RHBDD1: variants seen among roughly 807,000 people sequenced by gnomAD.
RHBDD1 encodes the protein rhomboid domain containing 1, also known as rhomboid-related protein 4.
In RHBDD1, 38 loss-of-function variants were observed where a neutral mutation model predicts 36.3. The ratio of observed to expected loss-of-function variants is 1.05; its 90% CI spans 0.81 to 1.37. The LOEUF (loss-of-function observed/expected upper bound fraction) is 1.37. Among genes scored for constraint, RHBDD1 ranks in the 40% most tolerant of loss-of-function variants. The pLI is 0.00. For synonymous variants in RHBDD1, 151 were observed against 136.5 expected, an observed-to-expected ratio of 1.11 and a Z score of -0.74; for missense variants, 393 against 377.6, an observed-to-expected ratio of 1.04 and a Z score of -0.34.
At chr2:226,852,416 T>G (rs1241138742) in intron 3 of RHBDD1, among the ~76,000 whole-genome samples, 1 of 152,140 alleles carries the variant, frequency 6.6e-6, no homozygotes, top group African/African-American at 2.4e-5. Flanking sequence ...TATGGCACCT[T>G]TGGCAGGTTA....
chr2:226,988,000 G>T (rs566455488), intron 8 of RHBDD1, among the ~76,000 whole-genome samples: 9 of 152,260 alleles, frequency 5.9e-5, no homozygotes, highest in African/African-American at 2.2e-4. Context: ...GGCCAGGGCT[G>T]CTAAAAAGCT....
chr2:226,995,263 T>A (rs1559370049), intron 8 of RHBDD1, among the ~76,000 whole-genome samples, 168 bp from the exon 9 acceptor site: 1 of 152,208 alleles, frequency 6.6e-6, no homozygotes, highest in Non-Finnish European at 1.5e-5. Context: ...TTACTTGACG[T>A]TGAAATTTAG....
chr2:226,813,263 G>A, the RHBDD1 span, among the ~76,000 whole-genome samples: 1 of 152,206 alleles, frequency 6.6e-6, no homozygotes, highest in African/African-American at 2.4e-5. Flanking sequence ...ATTAGGTGTA[G>A]TGGTTTTCTT....
At chr2:226,889,801 T>C (rs1161776354) in intron 5 of RHBDD1, among the ~76,000 whole-genome samples, 1 of 152,180 alleles carries the variant, frequency 6.6e-6, no homozygotes, top group Non-Finnish European at 1.5e-5. Context: ...ATGGTTTCCT[T>C]ATTGAATTCT....
chr2:226,982,140 A>G (rs574828913), intron 8 of RHBDD1, among the ~76,000 whole-genome samples: 29 of 152,346 alleles, frequency 1.9e-4, no homozygotes, highest in African/African-American at 5.8e-4. Context: ...CACATGTGGT[A>G]GGGTTGGGCT....
At chr2:226,969,317 A>G (rs1045382628) in intron 8 of RHBDD1, among the ~76,000 whole-genome samples, 1 of 151,566 alleles carries the variant, frequency 6.6e-6, no homozygotes, top group Non-Finnish European at 1.5e-5. Flanking sequence ...AGAATGAAAA[A>G]CATCCCTGTA....
chr2:226,935,565 T>G (rs765331522), intron 8 of RHBDD1: 16 of 152,156 alleles, frequency 1.1e-4, no homozygotes, highest in Non-Finnish European at 8.8e-5. Flanking sequence ...CTGAGTTTCA[T>G]TCCTAGCATA....
At chr2:226,914,448 T>C in intron 8 of RHBDD1, 97 bp downstream of exon 8, 1 of 1,369,494 alleles carries the variant, frequency 7.3e-7, no homozygotes, top group Non-Finnish European at 9.8e-7. Flanking sequence ...TTTTAAACAG[T>C]TCAGAAAAAG....
chr2:226,936,611 C>A (rs1207287456), intron 8 of RHBDD1, among the ~76,000 whole-genome samples: 2 of 152,094 alleles, frequency 1.3e-5, no homozygotes, highest in Non-Finnish European at 2.9e-5. Flanking sequence ...ATTAATTCTA[C>A]CCATATCCCC....
At chr2:226,978,228 T>C (rs1954937297) in intron 8 of RHBDD1, among the ~76,000 whole-genome samples, 1 of 152,238 alleles carries the variant, frequency 6.6e-6, no homozygotes, top group Middle Eastern at 3.2e-3. Flanking sequence ...TTCATGATCA[T>C]CTTTTTTTTA....
intron 3 of RHBDD1, among the ~76,000 whole-genome samples, chr2:226,846,608 G>A (rs868057561): frequency 6.6e-6 from 1 of 152,036 alleles, no homozygotes; most frequent in African/African-American, 2.4e-5. Flanking sequence ...ACCAGGCATG[G>A]TGGCGGGTGC....
intron 5 of RHBDD1, among the ~76,000 whole-genome samples, chr2:226,872,920 A>G (rs1326106475): frequency 1.3e-5 from 2 of 152,238 alleles, no homozygotes. Flanking sequence ...TTATAATTGC[A>G]TATACTGCAT....
the RHBDD1 span, among the ~76,000 whole-genome samples, chr2:226,828,672 A>G: frequency 6.6e-6 from 1 of 152,162 alleles, no homozygotes; most frequent in African/African-American, 2.4e-5. Flanking sequence ...TGATGCTGAG[A>G]ATATTTTCAT....
chr2:226,899,469 A>T (rs1320886751), intron 5 of RHBDD1, among the ~76,000 whole-genome samples: 1 of 152,186 alleles, frequency 6.6e-6, no homozygotes, highest in Non-Finnish European at 1.5e-5. Context: ...CTAGAGGTCC[A>T]CTGGACAAAA....
chr2:226,827,299 C>T, the RHBDD1 span, among the ~76,000 whole-genome samples: 19 of 152,150 alleles, frequency 1.2e-4, no homozygotes, highest in Non-Finnish European at 2.5e-4. Context: ...TTAATATTCT[C>T]CATATTTTAC....
At chr2:226,903,985 A>G (rs956527717) in intron 5 of RHBDD1, among the ~76,000 whole-genome samples, 3 of 151,996 alleles carry the variant, frequency 2.0e-5, no homozygotes, top group African/African-American at 7.2e-5. Context: ...CCATCTTCCC[A>G]CTCCATCCTT....
chr2:226,895,712 C>T (rs1947048512), intron 5 of RHBDD1: 3 of 985,070 alleles, frequency 3.0e-6, no homozygotes, highest in Non-Finnish European at 3.6e-6. Context: ...AGTAATACTG[C>T]AAAGCTAATG....
At chr2:226,962,765 C>T (rs939196727) in intron 8 of RHBDD1, among the ~76,000 whole-genome samples, 3 of 152,124 alleles carry the variant, frequency 2.0e-5, no homozygotes, top group South Asian at 2.1e-4. Flanking sequence ...AAAGCTTGTA[C>T]GTTTCTACCT....
At chr2:226,893,752 G>T (rs1946868256) in intron 5 of RHBDD1, among the ~76,000 whole-genome samples, 1 of 152,144 alleles carries the variant, frequency 6.6e-6, no homozygotes, top group Non-Finnish European at 1.5e-5. Context: ...CTAATGATTA[G>T]CAGGGGTGCT....
Sources: gnomAD v4.1 joint callset for allele counts (sites outside exome capture counted in the v4.1 genomes callset) on GRCh38, gnomAD v4.1.1 for gene constraint, MANE v1.5 for transcripts, NCBI Gene and HGNC (gene_info 2026-07-23, HGNC 2026-07-21) for gene names.